SLC8A1: variants seen among roughly 807,000 people sequenced by gnomAD.
SLC8A1 encodes the protein solute carrier family 8 member A1, also known as sodium/calcium exchanger 1.
In SLC8A1, 18 loss-of-function variants were observed where a neutral mutation model predicts 68.3. That is an observed-to-expected ratio of 0.26 (90% CI 0.18 to 0.39). SLC8A1 has a LOEUF of 0.39. Among genes scored for constraint, SLC8A1 ranks in the 10% least tolerant of loss-of-function variants. SLC8A1 has a pLI of 1.00. For synonymous variants in SLC8A1, 475 were observed against 415.5 expected (o/e 1.14, Z -1.74); for missense variants, 985 against 1,156.7 (o/e 0.85, Z 2.15).
At chr2:40,499,786 G>T (rs1298170655) in intron 1 of SLC8A1, among the ~76,000 whole-genome samples, 1 of 152,036 alleles carries the variant, frequency 6.6e-6, no homozygotes, top group Non-Finnish European at 1.5e-5. Context: ...TCTGACTTCT[G>T]TGTCAATAAC....
chr2:40,308,212 C>T (rs1575259686), intron 2 of SLC8A1, among the ~76,000 whole-genome samples: 1 of 152,196 alleles, frequency 6.6e-6, no homozygotes, highest in East Asian at 1.9e-4. Flanking sequence ...TGATTCGTGG[C>T]AGTGACATTA....
At chr2:40,107,279 C>CGAAAAAAAAAA (rs2034263900) in exon 8 of SLC8A1, 1 of 64,962 alleles carries the variant, frequency 1.5e-5, no homozygotes, top group Non-Finnish European at 2.9e-5. Flanking sequence ...GACTCCGTCT[C>CGAAAAAAAAAA]AAAAAAAAAA....
At chr2:40,197,289 C>A (rs974955161) in intron 2 of SLC8A1, among the ~76,000 whole-genome samples, 1 of 152,008 alleles carries the variant, frequency 6.6e-6, no homozygotes, top group Non-Finnish European at 1.5e-5. Context: ...GCTATTTTCC[C>A]TGAGCTCAGA....
At chr2:40,173,093 A>G (rs557412125) in intron 4 of SLC8A1, among the ~76,000 whole-genome samples, 1 of 152,174 alleles carries the variant, frequency 6.6e-6, no homozygotes, top group Non-Finnish European at 1.5e-5. Flanking sequence ...GTGCTGTTGG[A>G]TAGTACACTA....
chr2:40,206,366 C>T (rs1210089163), intron 2 of SLC8A1, among the ~76,000 whole-genome samples: 2 of 152,022 alleles, frequency 1.3e-5, no homozygotes, highest in Non-Finnish European at 2.9e-5. Context: ...TTTGATCAAG[C>T]TATTGTCACA....
At chr2:40,326,002 A>G (rs2075785271) in intron 2 of SLC8A1, among the ~76,000 whole-genome samples, 1 of 152,026 alleles carries the variant, frequency 6.6e-6, no homozygotes, top group African/African-American at 2.4e-5. Context: ...ACACGCCCAC[A>G]GGGAAAGTCA....
At chr2:40,375,811 C>T (rs6732915) in intron 2 of SLC8A1, among the ~76,000 whole-genome samples, 82,537 of 151,808 alleles carry the variant, frequency 0.54, 23,265 homozygotes, top group African/African-American at 0.67. Context: ...AAGACCAGCC[C>T]AGGCAACACA....
chr2:40,435,544 T>A (rs562747007), intron 1 of SLC8A1, among the ~76,000 whole-genome samples: 2 of 152,160 alleles, frequency 1.3e-5, no homozygotes, highest in Non-Finnish European at 2.9e-5. Flanking sequence ...GGTCACATCA[T>A]AGGCTCAAGC....
At chr2:40,224,269 G>A (rs898988728) in intron 2 of SLC8A1, among the ~76,000 whole-genome samples, 1 of 152,110 alleles carries the variant, frequency 6.6e-6, no homozygotes, top group Admixed American at 6.6e-5. Context: ...TGAAAAGACA[G>A]AGGCCCGATT....
intron 7 of SLC8A1, chr2:40,118,211 GC>G (rs1266740925): frequency 6.6e-6 from 1 of 152,162 alleles, no homozygotes; most frequent in Admixed American, 6.5e-5. Flanking sequence ...TAGGGTCTTA[GC>G]AAATGTGAAT....
chr2:40,230,114 G>T (rs1372351012), intron 2 of SLC8A1, among the ~76,000 whole-genome samples: 3 of 152,040 alleles, frequency 2.0e-5, no homozygotes, highest in African/African-American at 7.2e-5. Context: ...TCCCCACTTG[G>T]GAGCTTTTTC....
chr2:40,488,528 C>T, intron 1 of SLC8A1, among the ~76,000 whole-genome samples: 2 of 151,846 alleles, frequency 1.3e-5, no homozygotes, highest in East Asian at 3.9e-4. Context: ...TGAACATGTT[C>T]CCTTTTAACT....
chr2:40,115,180 T>C, exon 8 of SLC8A1: 1 of 1,078,664 alleles, frequency 9.3e-7, no homozygotes, highest in Non-Finnish European at 1.2e-6. Context: ...AATGTCAGTT[T>C]CCTCTGTCCA....
intron 1 of SLC8A1, among the ~76,000 whole-genome samples, chr2:40,495,026 G>C (rs1705600583): frequency 6.6e-6 from 1 of 151,374 alleles, no homozygotes; most frequent in Non-Finnish European, 1.5e-5. Flanking sequence ...GTAAGGTTTG[G>C]TACCCAAAAA....
At chr2:40,265,648 A>G (rs403630) in intron 2 of SLC8A1, among the ~76,000 whole-genome samples, 1 of 151,920 alleles carries the variant, frequency 6.6e-6, no homozygotes, top group Admixed American at 6.6e-5. Flanking sequence ...TAACAAAATC[A>G]ATTTTTAAAT....
intron 2 of SLC8A1, among the ~76,000 whole-genome samples, chr2:40,386,257 TTTTA>T (rs1683506232): frequency 6.6e-6 from 1 of 151,280 alleles, no homozygotes; most frequent in Admixed American, 6.6e-5. Flanking sequence ...ATTTATATTA[TTTTA>T]TTTTAGTTTA....
chr2:40,384,039 T>C (rs1037638238), intron 2 of SLC8A1, among the ~76,000 whole-genome samples: 5 of 151,952 alleles, frequency 3.3e-5, no homozygotes, highest in African/African-American at 7.3e-5. Context: ...AATGGGAAGA[T>C]TGCTTGAGGC....
At chr2:40,352,551 T>G (rs1434444609) in intron 2 of SLC8A1, among the ~76,000 whole-genome samples, 1 of 152,084 alleles carries the variant, frequency 6.6e-6, no homozygotes, top group African/African-American at 2.4e-5. Flanking sequence ...TTCCTAGAGA[T>G]TAGGAAAAAT....
intron 2 of SLC8A1, among the ~76,000 whole-genome samples, chr2:40,226,538 ACAAAG>A (rs1021864979): frequency 1.3e-5 from 2 of 152,188 alleles, no homozygotes; most frequent in African/African-American, 4.8e-5. Flanking sequence ...TCCTTGCTCT[ACAAAG>A]GAGTCAACTA....
Sources: gnomAD v4.1 joint callset for allele counts (sites outside exome capture counted in the v4.1 genomes callset) on GRCh38, gnomAD v4.1.1 for gene constraint, MANE v1.5 for transcripts, NCBI Gene and HGNC (gene_info 2026-07-23, HGNC 2026-07-21) for gene names.